Variants in ARHGAP32 observed in about 807,000 individuals in gnomAD.
ARHGAP32 encodes the protein rho GTPase-activating protein 32.
In ARHGAP32, 51 loss-of-function variants were observed where a neutral mutation model predicts 186.5. The ratio of observed to expected loss-of-function variants is 0.27; its 90% CI spans 0.22 to 0.35. The LOEUF (loss-of-function observed/expected upper bound fraction) is 0.35. Ranked by LOEUF, ARHGAP32 falls within the 10% of genes least tolerant of loss-of-function variation. The probability of loss-of-function intolerance (pLI) is 1.00; values close to 1 mark genes in which losing one functional copy is unlikely to be tolerated. For missense variants in ARHGAP32, 2,186 were observed against 2,623.5 expected (o/e 0.83, Z 3.64); for synonymous variants, 950 against 964.3 (o/e 0.99, Z 0.27).
chr11:129,116,955 T>C (rs1942384380), intron 5 of ARHGAP32, among the ~76,000 whole-genome samples: 1 of 152,062 alleles, frequency 6.6e-6, no homozygotes, highest in South Asian at 2.1e-4. Context: ...AGAATAGATA[T>C]ATTTGTTTCT....
At chr11:129,147,286 G>A (rs897348490) in intron 2 of ARHGAP32, among the ~76,000 whole-genome samples, 8 of 152,084 alleles carry the variant, frequency 5.3e-5, no homozygotes, top group Admixed American at 1.3e-4. Flanking sequence ...GTGGATTCCA[G>A]AAGTGAAATC....
At chr11:129,069,507 A>T (rs1033042271) in intron 6 of ARHGAP32, among the ~76,000 whole-genome samples, 1 of 152,048 alleles carries the variant, frequency 6.6e-6, no homozygotes, top group Admixed American at 6.6e-5. Context: ...AACTCAAAAG[A>T]CAAAAGAACA....
chr11:129,011,325 T>C (rs1012719419), intron 11 of ARHGAP32, among the ~76,000 whole-genome samples: 1 of 152,210 alleles, frequency 6.6e-6, no homozygotes, highest in Non-Finnish European at 1.5e-5. Flanking sequence ...AATCAGGGCA[T>C]TTAGCACAGA....
chr11:129,212,904 T>C (rs1407734525), intron 1 of ARHGAP32, among the ~76,000 whole-genome samples: 7 of 151,052 alleles, frequency 4.6e-5, no homozygotes, highest in Non-Finnish European at 1.0e-4. Context: ...AAAATTTTAA[T>C]GTAGGTGCAA....
At chr11:129,029,569 C>T (rs1218835740) in intron 11 of ARHGAP32, among the ~76,000 whole-genome samples, 3 of 151,974 alleles carry the variant, frequency 2.0e-5, no homozygotes, top group South Asian at 4.1e-4. Flanking sequence ...TTTGGGAGGC[C>T]GAGACGTGTG....
intron 1 of ARHGAP32, among the ~76,000 whole-genome samples, chr11:129,275,561 A>T (rs1945520120): frequency 6.7e-6 from 1 of 150,058 alleles, no homozygotes; most frequent in South Asian, 2.1e-4. Context: ...TAATTAAAGT[A>T]AAAAAAAAAG....
intron 20 of ARHGAP32, 48 bp from the exon 21 acceptor site, chr11:128,975,050 G>A (rs1257050293): frequency 6.7e-7 from 1 of 1,500,782 alleles, no homozygotes; most frequent in Non-Finnish European, 9.0e-7. Context: ...CGTAGATACA[G>A]AATGCTGTGG....
intron 19 of ARHGAP32, among the ~76,000 whole-genome samples, chr11:128,977,631 C>T (rs148834489): frequency 1.5e-3 from 224 of 152,202 alleles, no homozygotes; most frequent in Non-Finnish European, 2.5e-3. Flanking sequence ...ACTAGTCCCT[C>T]CTCTACAAGA....
rs758300597 is a variant in ARHGAP32 at position 128,978,868 on chromosome 11, C to T, written c.2024G>A (p.Arg675His). 5 of 1,612,334 alleles carry T rather than the reference C, an allele frequency of 3.1e-6. No homozygotes were observed. The highest frequency in any genetic ancestry group is 1.3e-5 in the African/African-American group (1 of 74,822). ...KMKKSPVGSW[R>H]SFFNLGKSSS... ...TGATTTCCCCAAGTTGAAAAAGGAA[C>T]GCCAGCTACCCACAGGAGACTTTTT... Residue 675 changes from arginine to histidine, a missense_variant, in exon 19 of 23, where the codon CGT (arginine) becomes CAT (histidine). By Grantham distance (29) the Arg-to-His change is conservative (BLOSUM62 0). This residue lies in a region of ARHGAP32 where 263 missense variants were observed against 323.5 expected (regional missense o/e 0.81). Transcript: ENST00000682385.
upstream of ARHGAP32, among the ~76,000 whole-genome samples, chr11:129,195,436 T>G (rs929698390): frequency 6.6e-6 from 1 of 152,200 alleles, no homozygotes; most frequent in Non-Finnish European, 1.5e-5. Context: ...CAGTTAAATG[T>G]GCACATCTTC....
chr11:129,128,100 C>A (rs778340913), intron 2 of ARHGAP32, among the ~76,000 whole-genome samples: 1 of 152,152 alleles, frequency 6.6e-6, no homozygotes, highest in Non-Finnish European at 1.5e-5. Context: ...CCTATACAAC[C>A]CTGTCCCCAA....
At chr11:128,993,758 C>T (rs2134704462) in intron 12 of ARHGAP32, among the ~76,000 whole-genome samples, 1 of 150,758 alleles carries the variant, frequency 6.6e-6, no homozygotes, top group East Asian at 2.0e-4. Flanking sequence ...ATGGTGTGAT[C>T]ATGGCTCACT....
Position 129,192,223 on chromosome 11 carries a change from C to A in ARHGAP32, c.-25G>T. 2.6e-6 allele frequency: 4 copies of A among 1,537,040 alleles called. No homozygotes were observed. The highest frequency in any genetic ancestry group is 3.6e-6 in the Non-Finnish European group (4 of 1,111,822). ...TCTTGTACTTAAAAAACAAAAAAAA[C>A]TAAACCTCCAGGCATGGAATAAAAA... On this transcript the variant is annotated 5_prime_UTR_variant, in exon 1 of 23. It removes the in-frame stop codon of an upstream open reading frame in the 5' UTR. Coordinates refer to ENST00000682385, the MANE Select transcript of ARHGAP32 (RefSeq NM_001378024.1).
At chr11:129,124,742 T>C (rs896489993) in intron 3 of ARHGAP32, 61 bp downstream of exon 3, 2 of 1,300,636 alleles carry the variant, frequency 1.5e-6, no homozygotes, top group East Asian at 2.4e-5. Context: ...TTTAAGAGAA[T>C]TGAAGAACTG....
chr11:129,114,803 G>A lies in ARHGAP32; in HGVS notation c.444+8643C>T, dbSNP rs116846498. Among the ~76,000 whole-genome samples the A allele has an allele frequency of 7.2e-5, 11 of 152,036 alleles. No homozygotes were observed. In the East Asian group the frequency reaches 2.1e-3, roughly 29 times the overall value. On this transcript the variant is annotated intron_variant, in intron 5 of 22. Coordinates refer to ENST00000682385, the MANE Select transcript of ARHGAP32 (RefSeq NM_001378024.1). Reference sequence around the variant, plus strand: ...TCTTTGGAGTTATTTTTCCTGTATTGAGTTCACTTTTCTATCACCATGGAA... The same window carrying A: ...TCTTTGGAGTTATTTTTCCTGTATTAAGTTCACTTTTCTATCACCATGGAA...
intron 2 of ARHGAP32, among the ~76,000 whole-genome samples, chr11:129,161,470 A>ACAACC (rs1215845330): frequency 1.3e-5 from 2 of 149,820 alleles, no homozygotes; most frequent in African/African-American, 4.8e-5. Context: ...GAAAAAAAAA[A>ACAACC]CCATCAAAAA....
intron 9 of ARHGAP32, 54 bp downstream of exon 9, chr11:129,063,848 G>A (rs1291325012): frequency 3.9e-5 from 60 of 1,546,852 alleles, no homozygotes; most frequent in Non-Finnish European, 5.0e-5. Context: ...AGTCAAAGAT[G>A]AGGCCAGAAA....
intron 2 of ARHGAP32, among the ~76,000 whole-genome samples, chr11:129,149,337 G>A (rs1943240286): frequency 6.6e-6 from 1 of 152,156 alleles, no homozygotes; most frequent in African/African-American, 2.4e-5. Context: ...CAGCATTCGA[G>A]AAAGCCAGCA....
intron 2 of ARHGAP32, among the ~76,000 whole-genome samples, chr11:129,130,135 T>C (rs1289474869): frequency 6.6e-6 from 1 of 152,088 alleles, no homozygotes; most frequent in Non-Finnish European, 1.5e-5. Flanking sequence ...CCACTGGAGT[T>C]AAGGATAAAC....
Sources: gnomAD v4.1 joint callset for allele counts (sites outside exome capture counted in the v4.1 genomes callset) on GRCh38, gnomAD v4.1.1 for gene constraint, gnomAD v4.1.1 regional missense constraint, MANE v1.5 for transcripts, NCBI Gene and HGNC (gene_info 2026-07-23, HGNC 2026-07-21) for gene names.